CAST: variants seen among roughly 807,000 people sequenced by gnomAD.
CAST encodes the protein MIR583 host.
In CAST, 76 loss-of-function variants were observed where a neutral mutation model predicts 119.6. That is an observed-to-expected ratio of 0.64 (90% CI 0.53 to 0.77). The LOEUF (loss-of-function observed/expected upper bound fraction) is 0.77. CAST is among the 30% of genes least tolerant of loss of function. The pLI, the probability that CAST is intolerant of heterozygous loss-of-function variation, is 0.00. For synonymous variants in CAST, 319 were observed against 331.6 expected, an observed-to-expected ratio of 0.96 and a Z score of 0.41; for missense variants, 953 against 946.5, an observed-to-expected ratio of 1.01 and a Z score of -0.09.
In CAST at chr5:96,689,851, T is replaced by C. The variant is rs1175098147; in HGVS notation, c.139-5985T>C. Among the ~76,000 whole-genome samples the C allele has an allele frequency of 2.0e-5, 3 of 152,240 alleles. No homozygotes were observed. The East Asian group carries it at 5.8e-4, about 29-fold the overall frequency. On this transcript the variant is annotated intron_variant, in intron 2 of 31. Transcript: ENST00000675179. Reference sequence around the variant, plus strand: ...GTCATTTTTTTGTTATTCACTTTTCTACTTCTTCATTTCCCTCTTTCTTCC... The same window carrying C: ...GTCATTTTTTTGTTATTCACTTTTCCACTTCTTCATTTCCCTCTTTCTTCC...
At chr5:96,621,969 C>CTTTTTTTTTTTTTTTTTTTTTT (rs35728460) in intron 1 of CAST, among the ~76,000 whole-genome samples, 1 of 113,702 alleles carries the variant, frequency 8.8e-6, no homozygotes, top group Non-Finnish European at 1.7e-5. Context: ...CTTTTTTTCT[C>CTTTTTTTTTTTTTTTTTTTTTT]TTTTTTTTTT....
At chr5:96,644,671 T>C (rs1019820766) in intron 1 of CAST, among the ~76,000 whole-genome samples, 1 of 152,122 alleles carries the variant, frequency 6.6e-6, no homozygotes, top group Non-Finnish European at 1.5e-5. Flanking sequence ...AACATCAGGA[T>C]ATTACTATTA....
chr5:96,456,726 A>C, the CAST span, among the ~76,000 whole-genome samples: 2 of 152,164 alleles, frequency 1.3e-5, no homozygotes, highest in African/African-American at 4.8e-5. Flanking sequence ...AGAGGTAGTG[A>C]TATAGTCTGG....
At chr5:96,382,511 G>A in the CAST span, among the ~76,000 whole-genome samples, 2 of 152,126 alleles carry the variant, frequency 1.3e-5, no homozygotes, top group Non-Finnish European at 2.9e-5. Context: ...TTTGCACAAA[G>A]AACTATATTA....
rs540702338 is a variant in CAST at position 96,665,987 on chromosome 5, G to T, written c.75+3490G>T. On this transcript the variant is annotated intron_variant, in intron 1 of 31. Coordinates refer to ENST00000675179, the MANE Select transcript of CAST (RefSeq NM_001750.7). The stretch of plus-strand genomic sequence containing the variant: ...TCTACAGATATAAACACAGATATCG[G>T]TATATACACAGACATCTCAGAATAC... Among the ~76,000 whole-genome samples the T allele has an allele frequency of 2.0e-5, 3 of 152,162 alleles. No individual in the cohort carries two copies. The South Asian group carries it at 6.2e-4, about 32-fold the overall frequency.
At chr5:96,559,321 C>T (rs965441981) in intron 1 of CAST, among the ~76,000 whole-genome samples, 3 of 152,176 alleles carry the variant, frequency 2.0e-5, no homozygotes, top group Non-Finnish European at 4.4e-5. Context: ...CCTCTCTCAC[C>T]ACTTCTATTC....
chr5:96,427,992 A>G, the CAST span, among the ~76,000 whole-genome samples: 2 of 152,168 alleles, frequency 1.3e-5, no homozygotes, highest in African/African-American at 2.4e-5. Context: ...ACTTGACAAA[A>G]AAGAGCTAGC....
At chr5:96,469,889 T>TATATATACAC in the CAST span, among the ~76,000 whole-genome samples, 15 of 145,168 alleles carry the variant, frequency 1.0e-4, no homozygotes, top group African/African-American at 3.8e-4. Flanking sequence ...AATATATATA[T>TATATATACAC]ACACACACAT....
chr5:96,567,694 A>G (rs1746495334), intron 1 of CAST, among the ~76,000 whole-genome samples: 2 of 152,138 alleles, frequency 1.3e-5, no homozygotes, highest in South Asian at 4.1e-4. Context: ...CTTTTCATGT[A>G]TAGATGCCCA....
At chr5:96,043,186 G>A in the CAST span, among the ~76,000 whole-genome samples, 1 of 152,006 alleles carries the variant, frequency 6.6e-6, no homozygotes, top group East Asian at 1.9e-4. Context: ...TCCTTTACTT[G>A]GCAGATCATG....
chr5:96,093,974 A>G, the CAST span, among the ~76,000 whole-genome samples: 11 of 151,796 alleles, frequency 7.2e-5, no homozygotes, highest in African/African-American at 2.2e-4. Flanking sequence ...CTGGTTGGCA[A>G]TCTTCCTGTC....
At chr5:96,559,243 C>T (rs1476279081) in intron 1 of CAST, among the ~76,000 whole-genome samples, 1 of 152,106 alleles carries the variant, frequency 6.6e-6, no homozygotes, top group East Asian at 1.9e-4. Context: ...AAACCCACAG[C>T]CAATATCATA....
chr5:96,289,738 C>A, the CAST span, among the ~76,000 whole-genome samples: 1 of 152,114 alleles, frequency 6.6e-6, no homozygotes, highest in Non-Finnish European at 1.5e-5. Flanking sequence ...AGTTATTTAA[C>A]CTTTTTGACC....
At chr5:96,624,533 T>A (rs1182164940) in intron 1 of CAST, among the ~76,000 whole-genome samples, 1 of 152,224 alleles carries the variant, frequency 6.6e-6, no homozygotes, top group Non-Finnish European at 1.5e-5. Flanking sequence ...TAAATTGTGC[T>A]AAAATAAATG....
chr5:96,181,288 C>T, the CAST span, among the ~76,000 whole-genome samples: 1 of 152,080 alleles, frequency 6.6e-6, no homozygotes, highest in East Asian at 1.9e-4. Context: ...GATTTTTCTC[C>T]CTCAGGAGTC....
At chr5:96,118,007 G>A in the CAST span, among the ~76,000 whole-genome samples, 1 of 152,182 alleles carries the variant, frequency 6.6e-6, no homozygotes, top group Non-Finnish European at 1.5e-5. Flanking sequence ...ATGGATGAGT[G>A]TTCAGCACCT....
the CAST span, among the ~76,000 whole-genome samples, chr5:96,050,374 G>A: frequency 6.6e-6 from 1 of 152,114 alleles, no homozygotes; most frequent in Non-Finnish European, 1.5e-5. Flanking sequence ...CTGAAGTATA[G>A]GGTGGGAGGG....
the CAST span, among the ~76,000 whole-genome samples, chr5:95,988,087 G>A: frequency 6.6e-6 from 1 of 152,094 alleles, no homozygotes; most frequent in Admixed American, 6.5e-5. Context: ...CAGGTAAGTA[G>A]CAAGACTTAC....
Position 96,662,603 on chromosome 5 carries a change from C to T in CAST, c.75+106C>T, listed in dbSNP as rs982593933. Reference sequence around the variant, plus strand: ...TTGCCAGGCTGGCGGGTCTGCAGTCCCCGGCGCCCCCGCGGGGCAGGGAGA... The same window carrying T: ...TTGCCAGGCTGGCGGGTCTGCAGTCTCCGGCGCCCCCGCGGGGCAGGGAGA... On this transcript the variant is annotated intron_variant, in intron 1 of 31. Coordinates refer to ENST00000675179, the MANE Select transcript of CAST (RefSeq NM_001750.7). The T allele has an allele frequency of 6.3e-6, 8 of 1,265,508 alleles. No homozygotes were observed. The African/African-American group carries it at 9.5e-5, about 15-fold the overall frequency. 78.4% of individuals were successfully genotyped at this position (1,265,508 alleles called of 1,614,324 possible).
Sources: gnomAD v4.1 joint callset for allele counts (sites outside exome capture counted in the v4.1 genomes callset) on GRCh38, gnomAD v4.1.1 for gene constraint, MANE v1.5 for transcripts, NCBI Gene and HGNC (gene_info 2026-07-23, HGNC 2026-07-21) for gene names.